The following JAM3 variants were observed in gnomAD, a reference collection of about 807,000 sequenced individuals.
JAM3 encodes the protein junctional adhesion molecule 3.
Under a neutral mutation model 39.4 loss-of-function variants are expected in JAM3, and 31 were observed. The observed-to-expected ratio is 0.79, with a 90% CI of 0.59 to 1.06. The LOEUF (loss-of-function observed/expected upper bound fraction) is 1.06, where lower values mean the gene tolerates loss of function less well. JAM3 is among the 50% of genes least tolerant of loss of function. The pLI, the probability that JAM3 is intolerant of heterozygous loss-of-function variation, is 0.00. For synonymous variants in JAM3, 182 were observed against 148.7 expected (o/e 1.22, Z -1.63); for missense variants, 455 against 391.4 (o/e 1.16, Z -1.37).
At chr11:134,103,899 A>G (rs905810599) in intron 1 of JAM3, among the ~76,000 whole-genome samples, 6 of 152,212 alleles carry the variant, frequency 3.9e-5, no homozygotes, top group African/African-American at 1.4e-4. Context: ...AGACTCCCAC[A>G]CAATAATAAT....
At chr11:134,085,601 C>T (rs893336795) in intron 1 of JAM3, among the ~76,000 whole-genome samples, 4 of 152,214 alleles carry the variant, frequency 2.6e-5, no homozygotes, top group African/African-American at 4.8e-5. Context: ...GGGGGCTCCA[C>T]TATGACTACC....
At position 134,148,665 on chromosome 11, in the gene JAM3, G is replaced by T; in HGVS notation, c.831G>T (p.Gln277His). The T allele has an allele frequency of 6.2e-7, 1 of 1,614,094 alleles. No homozygotes were observed. The highest frequency in any genetic ancestry group is 8.5e-7 in the Non-Finnish European group (1 of 1,180,028). Residue 277 changes from glutamine (Q) to histidine (H), a missense_variant, in exon 7 of 9, where the codon CAG (glutamine) becomes CAT (histidine). By Grantham distance (24) the Gln-to-His change is conservative (BLOSUM62 0). Coordinates refer to ENST00000299106, the MANE Select transcript of JAM3 (RefSeq NM_032801.5). ...YRRGYFINNK[Q>H]DGESYKNPGK... ...GTGGCTACTTCATCAACAATAAACA[G>T]GATGGAGAAAGGTGAGCCTGCCTTA...
At chr11:134,126,995 T>A (rs886393885) in intron 1 of JAM3, among the ~76,000 whole-genome samples, 8 of 152,226 alleles carry the variant, frequency 5.3e-5, no homozygotes. Context: ...GTGGCTAGAT[T>A]ATAGAGAAGG....
rs147210381 is a variant in JAM3 at position 134,131,511 on chromosome 11, T to TCAA, written c.77-8327_77-8325dup. Reference sequence around the variant, plus strand: ...AAATGCCAGATTTTCAACAACAGCATCAACAACAACAACAAAAAATAACAG... The same window carrying TCAA: ...AAATGCCAGATTTTCAACAACAGCATCAACAACAACAACAACAAAAAATAACAG... On this transcript the variant is annotated intron_variant, in intron 1 of 8. Transcript: ENST00000299106. Among the ~76,000 whole-genome samples the TCAA allele has an allele frequency of 7.9e-5, 12 of 151,848 alleles. No individual in the cohort carries two copies. The South Asian group carries it at 2.3e-3, about 29-fold the overall frequency.
chr11:134,124,193 A>G (rs1942593278), intron 1 of JAM3: 30 of 1,443,838 alleles, frequency 2.1e-5, no homozygotes, highest in Non-Finnish European at 2.8e-5. Context: ...TAGCATCACA[A>G]ACTCGAACCA....
At chr11:134,085,430 A>G (rs647837) in intron 1 of JAM3, among the ~76,000 whole-genome samples, 17,475 of 152,256 alleles carry the variant, frequency 0.11, 1,276 homozygotes, top group East Asian at 0.3. Context: ...CAAAGATTAT[A>G]GAGACTAAGG....
intron 1 of JAM3, among the ~76,000 whole-genome samples, chr11:134,103,939 TAGAC>T (rs779445147): frequency 4.2e-4 from 64 of 152,130 alleles, no homozygotes; most frequent in Non-Finnish European, 7.2e-4. Context: ...CTGTCAACAT[TAGAC>T]AGATCAACGA....
intron 1 of JAM3, among the ~76,000 whole-genome samples, chr11:134,102,882 C>A (rs4631894): frequency 1.3e-5 from 2 of 152,178 alleles, no homozygotes; most frequent in Non-Finnish European, 2.9e-5. Context: ...AAATCTATGT[C>A]TGATTGGTGT....
chr11:134,127,896 G>A (rs1239039045), intron 1 of JAM3, among the ~76,000 whole-genome samples: 1 of 152,122 alleles, frequency 6.6e-6, no homozygotes, highest in Non-Finnish European at 1.5e-5. Flanking sequence ...CATCACCTGT[G>A]CACTCTCTGG....
At chr11:134,127,858 C>T (rs1223322264) in intron 1 of JAM3, among the ~76,000 whole-genome samples, 1 of 152,158 alleles carries the variant, frequency 6.6e-6, no homozygotes, top group Non-Finnish European at 1.5e-5. Context: ...GTAAGTGAGG[C>T]TGGTCAGTAT....
At chr11:134,086,825 T>C (rs1272634623) in intron 1 of JAM3, among the ~76,000 whole-genome samples, 1 of 152,114 alleles carries the variant, frequency 6.6e-6, no homozygotes, top group African/African-American at 2.4e-5. Flanking sequence ...TGTTGTTGTT[T>C]TGTTTTTTGA....
At chr11:134,102,903 G>C (rs1942103132) in intron 1 of JAM3, among the ~76,000 whole-genome samples, 1 of 152,230 alleles carries the variant, frequency 6.6e-6, no homozygotes, top group Non-Finnish European at 1.5e-5. Context: ...ACCTGAAAGT[G>C]ATGGGGAGAA....
At chr11:134,091,836 G>GTT (rs36015656) in intron 1 of JAM3, among the ~76,000 whole-genome samples, 256 of 141,494 alleles carry the variant, frequency 1.8e-3, no homozygotes, top group African/African-American at 6.2e-3. Flanking sequence ...GGGGGTGTGG[G>GTT]TTTTTTTTTT....
chr11:134,081,341 A>C lies in JAM3; in HGVS notation c.76+12182A>C, dbSNP rs528634954. Among the ~76,000 whole-genome samples the C allele has an allele frequency of 2.6e-5, 4 of 152,370 alleles. 1 individual carries two copies. The East Asian group carries it at 7.7e-4, about 29-fold the overall frequency. On this transcript the variant is annotated intron_variant, in intron 1 of 8. Transcript: ENST00000299106. ...TTCAGGGCATGTCAGAGGTCTTCAC[A>C]GCCACCCCTCCCATCACAGGCCTGG...
intron 1 of JAM3, among the ~76,000 whole-genome samples, chr11:134,117,881 G>A (rs1942466995): frequency 6.6e-6 from 1 of 152,218 alleles, no homozygotes. Flanking sequence ...TACCTCCGAA[G>A]GGTACTGTGA....
intron 2 of JAM3, 70 bp downstream of exon 2, chr11:134,139,986 C>A: frequency 8.5e-7 from 1 of 1,172,386 alleles, no homozygotes; most frequent in South Asian, 1.2e-5. Flanking sequence ...GCAGCCAACT[C>A]AGGACACATC....
chr11:134,139,767 A>T, intron 1 of JAM3, 84 bp from the exon 2 acceptor site: 1 of 1,025,180 alleles, frequency 9.8e-7, no homozygotes, highest in Non-Finnish European at 1.6e-6. Flanking sequence ...TAGCCTACGC[A>T]GACGGGAAAA....
At chr11:134,123,825 T>C (rs1565497099) in intron 1 of JAM3, 3 of 773,222 alleles carry the variant, frequency 3.9e-6, no homozygotes, top group East Asian at 4.9e-5. Flanking sequence ...CATTTCTTTC[T>C]ACTGAACACA....
chr11:134,123,770 C>T, intron 1 of JAM3: 1 of 680,854 alleles, frequency 1.5e-6, no homozygotes, highest in South Asian at 1.6e-5. Context: ...TTTCCAGGTA[C>T]CAAGGGTTCC....
Sources: allele counts gnomAD v4.1 joint callset (sites outside exome capture counted in the v4.1 genomes callset), GRCh38; gene constraint gnomAD v4.1.1; transcripts MANE v1.5; gene names NCBI Gene and HGNC (gene_info 2026-07-23, HGNC 2026-07-21).